The following DMD variants were observed in gnomAD, a reference collection of about 807,000 sequenced individuals.
The protein encoded by DMD is mutant dystrophin.
DMD carries 63 observed loss-of-function variants against 330.1 expected under a neutral mutation model. That is an observed-to-expected ratio of 0.19 (90% CI 0.16 to 0.24). The LOEUF is 0.24. DMD is among the 10% of genes least tolerant of loss of function. DMD has a pLI of 1.00. For synonymous variants in DMD, 1,223 were observed against 959.8 expected (o/e 1.27, Z -5.07); for missense variants, 3,344 against 2,684.1 (o/e 1.25, Z -5.43).
intron 16 of DMD, among the ~76,000 whole-genome samples, chrX:32,563,020 C>T (rs1438695542): frequency 9.0e-6 from 1 of 111,098 alleles, no homozygotes; most frequent in African/African-American, 3.3e-5. Flanking sequence ...ACAATAGGAG[C>T]GTGTAACTGT....
At chrX:32,208,389 A>G (rs16990159) in intron 44 of DMD, among the ~76,000 whole-genome samples, 6,890 of 111,457 alleles carry the variant, frequency 0.062, 445 homozygotes, top group African/African-American at 0.19. Flanking sequence ...CTCCAAGGGG[A>G]CTCAACCTTC....
intron 30 of DMD, among the ~76,000 whole-genome samples, chrX:32,394,359 C>G (rs1210877596): frequency 8.9e-6 from 1 of 111,839 alleles, no homozygotes; most frequent in Non-Finnish European, 1.9e-5. Flanking sequence ...TCAGGGCTCT[C>G]TCTTGCCACC....
chrX:31,651,920 A>G (rs2080476931), intron 54 of DMD, among the ~76,000 whole-genome samples: 1 of 111,562 alleles, frequency 9.0e-6, no homozygotes, highest in Non-Finnish European at 1.9e-5. Context: ...TCACTCCTCC[A>G]TTCAAAACCC....
At chrX:31,789,042 C>T (rs1804108778) in intron 50 of DMD, among the ~76,000 whole-genome samples, 1 of 111,123 alleles carries the variant, frequency 9.0e-6, no homozygotes, top group Admixed American at 9.6e-5. Context: ...GCCACTCTAT[C>T]TTTAGACTGG....
At chrX:31,757,744 T>C (rs1372284533) in intron 51 of DMD, among the ~76,000 whole-genome samples, 1 of 110,271 alleles carries the variant, frequency 9.1e-6, no homozygotes, top group Non-Finnish European at 1.9e-5. Context: ...CCTTGAGTGT[T>C]AGGTTTCAAC....
At chrX:32,210,199 A>C (rs1413233460) in intron 44 of DMD, among the ~76,000 whole-genome samples, 1 of 112,317 alleles carries the variant, frequency 8.9e-6, no homozygotes. Context: ...CTGTAACCTT[A>C]AAGTAAGTGA....
At chrX:31,237,332 T>C (rs1357478801) in intron 63 of DMD, among the ~76,000 whole-genome samples, 1 of 112,251 alleles carries the variant, frequency 8.9e-6, no homozygotes, top group Non-Finnish European at 1.9e-5. Context: ...TATCTCTGCT[T>C]TTTGTATACT....
chrX:32,481,884 T>C (rs1291570513), intron 21 of DMD, among the ~76,000 whole-genome samples: 1 of 112,105 alleles, frequency 8.9e-6, no homozygotes, highest in Non-Finnish European at 1.9e-5. Context: ...ATATACCAGG[T>C]GTTCAAAAAT....
At chrX:31,980,708 T>C (rs2095470410) in intron 44 of DMD, among the ~76,000 whole-genome samples, 1 of 111,664 alleles carries the variant, frequency 9.0e-6, no homozygotes, top group Non-Finnish European at 1.9e-5. Flanking sequence ...GCGTGGAAAA[T>C]ATATTAGATG....
At chrX:31,285,730 A>G (rs1309724622) in intron 62 of DMD, among the ~76,000 whole-genome samples, 1 of 112,215 alleles carries the variant, frequency 8.9e-6, no homozygotes, top group Non-Finnish European at 1.9e-5. Flanking sequence ...AATAAACTCC[A>G]GCTGGCATAT....
intron 18 of DMD, among the ~76,000 whole-genome samples, chrX:32,507,334 G>A: frequency 9.0e-6 from 1 of 111,455 alleles, no homozygotes; most frequent in African/African-American, 3.3e-5. Context: ...TTGAGCTTTT[G>A]CTTTAGTTTT....
chrX:32,129,584 A>C (rs1209276185), intron 44 of DMD, among the ~76,000 whole-genome samples: 1 of 110,667 alleles, frequency 9.0e-6, no homozygotes, highest in Non-Finnish European at 1.9e-5. Context: ...TCTCACCAAT[A>C]ATCATTGCAT....
chrX:31,658,178 A>G, intron 53 of DMD, 34 bp from the exon 54 acceptor site: 1 of 1,202,120 alleles, frequency 8.3e-7, no homozygotes, highest in Non-Finnish European at 1.1e-6. Flanking sequence ...AATGAATGTC[A>G]GTTTTTTTTA....
intron 5 of DMD, among the ~76,000 whole-genome samples, chrX:32,819,219 G>A (rs1270203773): frequency 2.7e-5 from 3 of 110,884 alleles, no homozygotes; most frequent in Non-Finnish European, 5.7e-5. Flanking sequence ...TTGCACAGAA[G>A]TGACTTGGTA....
chrX:32,438,744 A>T (rs1206835253), intron 28 of DMD, among the ~76,000 whole-genome samples: 4 of 111,851 alleles, frequency 3.6e-5, no homozygotes, highest in African/African-American at 9.8e-5. Flanking sequence ...TCTGAAAAAG[A>T]GTACTCTCTC....
At chrX:33,042,713 A>G (rs1379986090) in intron 1 of DMD, among the ~76,000 whole-genome samples, 1 of 111,996 alleles carries the variant, frequency 8.9e-6, no homozygotes, top group Non-Finnish European at 1.9e-5. Flanking sequence ...TGTTGCTCTA[A>G]TTATTTGAGG....
intron 48 of DMD, among the ~76,000 whole-genome samples, chrX:31,867,090 T>TTA (rs1569487063): frequency 1.8e-5 from 1 of 56,854 alleles, no homozygotes; most frequent in Admixed American, 2.3e-4. Flanking sequence ...CAACATATTT[T>TTA]GATATATATA....
chrX:32,910,329 T>C (rs1024500837), intron 2 of DMD, among the ~76,000 whole-genome samples: 2 of 111,998 alleles, frequency 1.8e-5, no homozygotes, highest in Non-Finnish European at 3.8e-5. Context: ...TAACATAATA[T>C]TTTCTTGATG....
chrX:31,209,816 C>T, intron 64 of DMD, 117 bp from the exon 65 acceptor site: 10 of 662,909 alleles, frequency 1.5e-5, no homozygotes, highest in Non-Finnish European at 2.4e-5. Flanking sequence ...AAACACCAAA[C>T]GTGAACCACA....
Sources: gnomAD v4.1 joint callset for allele counts (sites outside exome capture counted in the v4.1 genomes callset) on GRCh38, gnomAD v4.1.1 for gene constraint, MANE v1.5 for transcripts, NCBI Gene and HGNC (gene_info 2026-07-23, HGNC 2026-07-21) for gene names.